Variants in BRD10 observed in about 807,000 individuals in gnomAD.
BRD10 encodes uncharacterized bromodomain-containing protein 10.
the BRD10 span, chr9:5,920,760 C>T: frequency 6.2e-7 from 1 of 1,613,878 alleles, no homozygotes; most frequent in African/African-American, 1.3e-5. Context: ...GGTAAGGCAA[C>T]CGTAACAGGA....
chr9:5,977,570 G>C, the BRD10 span, among the ~76,000 whole-genome samples: 1 of 152,206 alleles, frequency 6.6e-6, no homozygotes, highest in Non-Finnish European at 1.5e-5. Flanking sequence ...TGAAGTGGCT[G>C]GGCGCAGTGG....
the BRD10 span, among the ~76,000 whole-genome samples, chr9:5,911,244 T>G: frequency 6.6e-6 from 1 of 152,220 alleles, no homozygotes; most frequent in Non-Finnish European, 1.5e-5. Flanking sequence ...CGGGTCTTGT[T>G]TCATTCTTCT....
chr9:5,881,325 G>A, the BRD10 span, among the ~76,000 whole-genome samples: 1 of 152,220 alleles, frequency 6.6e-6, no homozygotes, highest in East Asian at 1.9e-4. Flanking sequence ...CAAACGGTCA[G>A]CCCTAAAAGA....
At chr9:5,970,371 C>G in the BRD10 span, among the ~76,000 whole-genome samples, 3 of 151,952 alleles carry the variant, frequency 2.0e-5, no homozygotes, top group Non-Finnish European at 4.4e-5. Context: ...AGGGAGGTGA[C>G]AGTGTTGCAA....
At chr9:5,992,749 C>T in the BRD10 span, among the ~76,000 whole-genome samples, 1 of 149,104 alleles carries the variant, frequency 6.7e-6, no homozygotes, top group East Asian at 2.0e-4. Flanking sequence ...CATGTAAAGT[C>T]TTTTCTGTGT....
chr9:5,904,524 G>A, the BRD10 span, among the ~76,000 whole-genome samples: 2 of 152,176 alleles, frequency 1.3e-5, no homozygotes, highest in Non-Finnish European at 2.9e-5. Context: ...CCAGGCTGGA[G>A]TGCAGTGGCA....
the BRD10 span, among the ~76,000 whole-genome samples, chr9:5,975,804 G>A: frequency 6.6e-6 from 1 of 152,100 alleles, no homozygotes; most frequent in Non-Finnish European, 1.5e-5. Flanking sequence ...TTAATCATGG[G>A]TAAATATGAA....
At chr9:5,980,707 A>T in the BRD10 span, among the ~76,000 whole-genome samples, 28 of 152,240 alleles carry the variant, frequency 1.8e-4, no homozygotes, top group Middle Eastern at 3.4e-3. Context: ...TAAAAATTTT[A>T]AAAAATCTAC....
At chr9:5,935,987 T>C in the BRD10 span, among the ~76,000 whole-genome samples, 6 of 152,360 alleles carry the variant, frequency 3.9e-5, no homozygotes, top group African/African-American at 1.4e-4. Context: ...GGGTCATCAT[T>C]ATGAACGAGT....
chr9:5,972,714 G>A, the BRD10 span, among the ~76,000 whole-genome samples: 4 of 152,130 alleles, frequency 2.6e-5, no homozygotes, highest in African/African-American at 9.7e-5. Context: ...TGCAGATGCT[G>A]GCCCCATGCT....
At chr9:5,903,581 G>C in the BRD10 span, among the ~76,000 whole-genome samples, 3 of 152,192 alleles carry the variant, frequency 2.0e-5, no homozygotes, top group East Asian at 5.8e-4. Flanking sequence ...CTGATAGAGA[G>C]ATGTTGAAGC....
At chr9:5,989,386 G>A in the BRD10 span, among the ~76,000 whole-genome samples, 2 of 140,058 alleles carry the variant, frequency 1.4e-5, no homozygotes, top group Non-Finnish European at 3.1e-5. Flanking sequence ...AGCTGAGATC[G>A]TACCACTCCA....
chr9:5,956,193 T>G, the BRD10 span, among the ~76,000 whole-genome samples: 1 of 152,148 alleles, frequency 6.6e-6, no homozygotes. Context: ...GATAGTCCCA[T>G]GAATTTCATC....
At chr9:5,929,358 C>G in the BRD10 span, among the ~76,000 whole-genome samples, 1 of 152,130 alleles carries the variant, frequency 6.6e-6, no homozygotes, top group South Asian at 2.1e-4. Context: ...CCAGAGAAAT[C>G]TGAAACCTGT....
chr9:5,884,873 A>G, the BRD10 span, among the ~76,000 whole-genome samples: 5 of 152,212 alleles, frequency 3.3e-5, no homozygotes, highest in Non-Finnish European at 7.3e-5. Context: ...GACTTGGGCC[A>G]TGTTCTCAAG....
chr9:5,969,514 T>C, the BRD10 span: 2 of 1,001,278 alleles, frequency 2.0e-6, no homozygotes, highest in East Asian at 2.6e-5. Flanking sequence ...TATTTATCTT[T>C]AGCCAAAAAG....
the BRD10 span, among the ~76,000 whole-genome samples, chr9:5,934,280 T>G: frequency 7.5e-4 from 114 of 152,118 alleles, no homozygotes; most frequent in Non-Finnish European, 1.4e-3. Context: ...AGAACATTTT[T>G]TGTTACAAGT....
At chr9:5,938,032 C>A in the BRD10 span, among the ~76,000 whole-genome samples, 1 of 152,240 alleles carries the variant, frequency 6.6e-6, no homozygotes, top group South Asian at 2.1e-4. Context: ...CTACCCTACT[C>A]CCAAACAACA....
chr9:5,959,687 T>C, the BRD10 span, among the ~76,000 whole-genome samples: 2 of 152,188 alleles, frequency 1.3e-5, no homozygotes, highest in Non-Finnish European at 2.9e-5. Context: ...CAGAACTATA[T>C]AATAACCTTT....
Sources: gnomAD v4.1 joint callset for allele counts (sites outside exome capture counted in the v4.1 genomes callset) on GRCh38, gnomAD v4.1.1 for gene constraint, MANE v1.5 for transcripts, NCBI Gene and HGNC (gene_info 2026-07-23, HGNC 2026-07-21) for gene names.